NR6A1: variants seen among roughly 807,000 people sequenced by gnomAD.
The protein encoded by NR6A1 is nuclear receptor subfamily 6 group A member 1.
Under a neutral mutation model 59.1 loss-of-function variants are expected in NR6A1, and 7 were observed. That is an observed-to-expected ratio of 0.12 (90% CI 0.07 to 0.22). The LOEUF is 0.22. Among genes scored for constraint, NR6A1 ranks in the 10% least tolerant of loss-of-function variants. The pLI is 1.00. For missense variants in NR6A1, 468 were observed against 611.6 expected, an observed-to-expected ratio of 0.77 and a Z score of 2.48; for synonymous variants, 243 against 236.1, an observed-to-expected ratio of 1.03 and a Z score of -0.27.
intron 2 of NR6A1, among the ~76,000 whole-genome samples, chr9:124,733,068 C>G (rs1019999215): frequency 1.3e-5 from 2 of 152,288 alleles, no homozygotes; most frequent in African/African-American, 4.8e-5. Context: ...TGGTGTTAAA[C>G]AGAAATTTTC....
chr9:124,683,783 A>C (rs550362169), intron 2 of NR6A1, among the ~76,000 whole-genome samples: 8 of 152,358 alleles, frequency 5.3e-5, no homozygotes, highest in Non-Finnish European at 1.2e-4. Flanking sequence ...ACAAGAGTGA[A>C]ACTCCATCTC....
At chr9:124,694,423 T>G (rs185015824) in intron 2 of NR6A1, among the ~76,000 whole-genome samples, 1 of 152,326 alleles carries the variant, frequency 6.6e-6, no homozygotes, top group African/African-American at 2.4e-5. Flanking sequence ...AATGGCTATA[T>G]AGTATGACTT....
intron 2 of NR6A1, among the ~76,000 whole-genome samples, chr9:124,585,645 C>T (rs1013649713): frequency 4.0e-5 from 6 of 150,772 alleles, no homozygotes; most frequent in African/African-American, 1.5e-4. Context: ...GGTGGCTACA[C>T]TAAACAACTG....
chr9:124,693,304 C>A (rs1838624972), intron 2 of NR6A1, among the ~76,000 whole-genome samples: 1 of 152,250 alleles, frequency 6.6e-6, no homozygotes, highest in South Asian at 2.1e-4. Flanking sequence ...CCATTACTAG[C>A]CCACAGCAAA....
At chr9:124,766,855 C>A (rs1390202755) in intron 1 of NR6A1, among the ~76,000 whole-genome samples, 1 of 152,176 alleles carries the variant, frequency 6.6e-6, no homozygotes, top group Non-Finnish European at 1.5e-5. Context: ...CATTAACAAA[C>A]CAATTTTTCA....
At chr9:124,631,395 T>C (rs925024677) in intron 2 of NR6A1, among the ~76,000 whole-genome samples, 1 of 152,236 alleles carries the variant, frequency 6.6e-6, no homozygotes, top group African/African-American at 2.4e-5. Flanking sequence ...TTTTAATCTA[T>C]ATACAAAATG....
chr9:124,750,139 T>C (rs572643851), intron 1 of NR6A1, among the ~76,000 whole-genome samples: 1 of 152,368 alleles, frequency 6.6e-6, no homozygotes, highest in East Asian at 1.9e-4. Context: ...TTGGTTACTT[T>C]CAGTCCCTAC....
At chr9:124,549,926 T>G (rs569501641) in intron 3 of NR6A1, among the ~76,000 whole-genome samples, 1 of 152,376 alleles carries the variant, frequency 6.6e-6, no homozygotes, top group South Asian at 2.1e-4. Context: ...CACATTGCAT[T>G]TAGCTGTCAT....
At chr9:124,696,830 G>A (rs1009615940) in intron 2 of NR6A1, among the ~76,000 whole-genome samples, 2 of 151,852 alleles carry the variant, frequency 1.3e-5, no homozygotes, top group African/African-American at 4.8e-5. Flanking sequence ...ATAATTTTTT[G>A]TATTTTTAGT....
intron 2 of NR6A1, among the ~76,000 whole-genome samples, chr9:124,663,148 C>G (rs987170567): frequency 6.6e-5 from 10 of 152,240 alleles, no homozygotes; most frequent in African/African-American, 2.4e-4. Context: ...ACACCCAGTG[C>G]ATCATAGCCT....
intron 2 of NR6A1, among the ~76,000 whole-genome samples, chr9:124,700,575 G>A (rs998995571): frequency 1.3e-5 from 2 of 151,900 alleles, no homozygotes; most frequent in African/African-American, 2.4e-5. Context: ...GTTGTAGCAT[G>A]TACTGGTAAT....
At chr9:124,533,234 C>T (rs765334909) in intron 7 of NR6A1, among the ~76,000 whole-genome samples, 1 of 152,220 alleles carries the variant, frequency 6.6e-6, no homozygotes, top group Non-Finnish European at 1.5e-5. Flanking sequence ...TCAGAGCAGG[C>T]TGACTGCTAT....
At chr9:124,538,027 C>A in intron 6 of NR6A1, 65 bp downstream of exon 6, 1 of 1,364,422 alleles carries the variant, frequency 7.3e-7, no homozygotes, top group Non-Finnish European at 1.0e-6. Context: ...GCCAGGGACG[C>A]GAGTGGGTGT....
At chr9:124,626,905 G>C (rs138463694) in intron 2 of NR6A1, among the ~76,000 whole-genome samples, 3,084 of 152,276 alleles carry the variant, frequency 0.02, 121 homozygotes, top group Non-Finnish European at 0.021. Flanking sequence ...CTGCACTCCA[G>C]CCTGGTGGCA....
chr9:124,685,798 G>C (rs1258062181), intron 2 of NR6A1, among the ~76,000 whole-genome samples: 1 of 152,100 alleles, frequency 6.6e-6, no homozygotes, highest in African/African-American at 2.4e-5. Context: ...TCAAACATCG[G>C]CATTGTCAAT....
Position 124,707,198 on chromosome 9 carries a change from TTC to T in NR6A1, c.142+26108_142+26109del, listed in dbSNP as rs146107194. On this transcript the variant is annotated intron_variant, in intron 2 of 9. Coordinates refer to ENST00000487099, the MANE Select transcript of NR6A1 (RefSeq NM_033334.4). ...TCTGTTCCTTTTTCCTCAATCTTTT[TTC>T]TCTGTTCTTCATATTGAATATTTTT... Among the ~76,000 whole-genome samples the T allele has an allele frequency of 5.9e-3, 903 of 152,292 alleles. 10 individuals are homozygous for T. Among genetic ancestry groups the T allele is most frequent in the African/African-American group, 0.021 (857 of 41,570 alleles).
At chr9:124,770,205 C>A (rs1266005175) in intron 1 of NR6A1, 1 of 152,592 alleles carries the variant, frequency 6.6e-6, no homozygotes, top group Non-Finnish European at 1.5e-5. Context: ...TCCGGGGCCC[C>A]GGGGCGGGCT....
intron 2 of NR6A1, among the ~76,000 whole-genome samples, chr9:124,671,134 T>C (rs1171582963): frequency 3.3e-5 from 5 of 152,308 alleles, no homozygotes; most frequent in Admixed American, 1.3e-4. Flanking sequence ...GTTGTTTTAA[T>C]GGGTACAGAA....
chr9:124,640,769 T>C (rs1836748045), intron 2 of NR6A1, among the ~76,000 whole-genome samples: 1 of 151,928 alleles, frequency 6.6e-6, no homozygotes, highest in Non-Finnish European at 1.5e-5. Flanking sequence ...ATTACAGGCA[T>C]GCACCACCAC....
Sources: gnomAD v4.1 joint callset for allele counts (sites outside exome capture counted in the v4.1 genomes callset) on GRCh38, gnomAD v4.1.1 for gene constraint, MANE v1.5 for transcripts, NCBI Gene and HGNC (gene_info 2026-07-23, HGNC 2026-07-21) for gene names.